The following AGBL3 variants were observed in gnomAD, a reference collection of about 807,000 sequenced individuals.
AGBL3 encodes cytosolic carboxypeptidase 3.
In AGBL3, 68 loss-of-function variants were observed where a neutral mutation model predicts 94.5. That is an observed-to-expected ratio of 0.72 (90% confidence interval 0.59 to 0.88). The LOEUF (loss-of-function observed/expected upper bound fraction) is 0.88. AGBL3 is among the 40% of genes least tolerant of loss of function. The pLI is 0.00. For missense variants in AGBL3, 934 were observed against 1,103.8 expected (o/e 0.85, Z 2.18); for synonymous variants, 354 against 370.7 (o/e 0.95, Z 0.52).
chr7:135,015,815 C>T (rs1341903399), intron 4 of AGBL3, among the ~76,000 whole-genome samples: 1 of 144,646 alleles, frequency 6.9e-6, no homozygotes, highest in Non-Finnish European at 1.5e-5. Flanking sequence ...GAAATCAAGA[C>T]CATCCTGGCT....
intron 16 of AGBL3, chr7:135,128,436 AAATT>A: frequency 2.8e-6 from 2 of 707,632 alleles, no homozygotes. Flanking sequence ...GTTCCTCAGA[AAATT>A]AAATGTCAGA....
intron 10 of AGBL3, 62 bp from the exon 11 acceptor site, chr7:135,045,737 C>G: frequency 7.2e-7 from 1 of 1,381,528 alleles, no homozygotes; most frequent in Middle Eastern, 1.8e-4. Flanking sequence ...TATAAATACT[C>G]AAATAGTTTA....
intron 14 of AGBL3, among the ~76,000 whole-genome samples, chr7:135,080,868 G>GTATATATATA (rs150587409): frequency 6.8e-6 from 1 of 146,244 alleles, no homozygotes; most frequent in Non-Finnish European, 1.5e-5. Context: ...ATGTGTGTGT[G>GTATATATATA]TATATATATA....
At chr7:135,060,240 ATT>A (rs1198707947) in intron 12 of AGBL3, among the ~76,000 whole-genome samples, 2 of 152,148 alleles carry the variant, frequency 1.3e-5, no homozygotes, top group Admixed American at 1.3e-4. Flanking sequence ...CTTCTACATA[ATT>A]TGTGTCATCA....
chr7:135,025,965 A>G (rs929605600), intron 5 of AGBL3, among the ~76,000 whole-genome samples: 7 of 151,622 alleles, frequency 4.6e-5, no homozygotes, highest in Admixed American at 1.3e-4. Context: ...TAGCCACACA[A>G]TAACAGTAGG....
chr7:135,116,806 T>C (rs1826383488), intron 16 of AGBL3, among the ~76,000 whole-genome samples: 1 of 152,190 alleles, frequency 6.6e-6, no homozygotes, highest in South Asian at 2.1e-4. Context: ...CAGTGGTTAT[T>C]GCCTAACATT....
chr7:135,059,998 G>A (rs549669083), intron 12 of AGBL3, among the ~76,000 whole-genome samples: 1 of 152,342 alleles, frequency 6.6e-6, no homozygotes, highest in South Asian at 2.1e-4. Flanking sequence ...TCAGGCTACA[G>A]GTTGAGTTCA....
intron 16 of AGBL3, among the ~76,000 whole-genome samples, chr7:135,118,300 T>C (rs1226951581): frequency 6.6e-6 from 1 of 152,214 alleles, no homozygotes; most frequent in Admixed American, 6.5e-5. Flanking sequence ...AAAGTATTAA[T>C]ATATAAGGAA....
intron 15 of AGBL3, among the ~76,000 whole-genome samples, chr7:135,088,885 G>A (rs1463178990): frequency 6.6e-6 from 1 of 152,150 alleles, no homozygotes; most frequent in African/African-American, 2.4e-5. Flanking sequence ...GGGAAACTTT[G>A]AGTTTCCTGG....
At chr7:135,067,589 G>A (rs996463578) in intron 12 of AGBL3, among the ~76,000 whole-genome samples, 3 of 152,174 alleles carry the variant, frequency 2.0e-5, no homozygotes, top group African/African-American at 4.8e-5. Context: ...ACCAATATCC[G>A]CTGTTCTGCA....
At chr7:135,077,791 C>T (rs1820590761) in intron 13 of AGBL3, among the ~76,000 whole-genome samples, 1 of 152,090 alleles carries the variant, frequency 6.6e-6, no homozygotes, top group Non-Finnish European at 1.5e-5. Context: ...TTTCTTAATG[C>T]GCATGCTCGA....
rs141725502 is a variant in AGBL3 at position 135,034,622 on chromosome 7, C to A, written c.1031C>A (p.Thr344Asn). The change falls in exon 7 of 17, where the codon ACC (threonine) becomes AAC (asparagine). Residue 344 changes from threonine to asparagine, a missense_variant. Physicochemically the swap from Thr to Asn is moderately conservative, Grantham distance 65. Around this residue, in one of 3 missense-constraint regions of AGBL3, gnomAD observed 488 missense variants for 563.6 expected, o/e 0.87. Transcript: ENST00000436302. ...RNMVYILTIT[T>N]PLKNSDSRKR... ...ATGGTGTATATTTTAACAATCACTA[C>A]CCCCTTGAAGAACTCTGACTCAAGA... 9,502 of 1,551,642 alleles carry A rather than the reference C, an allele frequency of 6.1e-3. 42 individuals carry two copies. The highest frequency in any genetic ancestry group is 7.8e-3 in the Non-Finnish European group (8,999 of 1,146,938).
At chr7:135,110,085 T>G (rs1015697354) in intron 15 of AGBL3, among the ~76,000 whole-genome samples, 3 of 151,802 alleles carry the variant, frequency 2.0e-5, no homozygotes, top group African/African-American at 7.3e-5. Context: ...ACAGCAAAGA[T>G]AGTGGTTCAC....
chr7:135,040,687 G>A (rs1265365104), intron 8 of AGBL3, among the ~76,000 whole-genome samples: 1 of 152,104 alleles, frequency 6.6e-6, no homozygotes. Flanking sequence ...ATGAAAGACT[G>A]AATGTTTTCT....
chr7:134,995,221 G>A (rs145532365), intron 4 of AGBL3: 10 of 152,280 alleles, frequency 6.6e-5, no homozygotes, highest in South Asian at 2.1e-4. Context: ...TAACAGTGAC[G>A]AGAGAATGAG....
At chr7:135,026,476 T>C (rs1425184018) in intron 5 of AGBL3, among the ~76,000 whole-genome samples, 1 of 151,252 alleles carries the variant, frequency 6.6e-6, no homozygotes, top group African/African-American at 2.4e-5. Context: ...GGTTTCACCA[T>C]GTTGGCCAGG....
At chr7:135,024,454 G>A (rs1036807695) in intron 5 of AGBL3, among the ~76,000 whole-genome samples, 2 of 152,206 alleles carry the variant, frequency 1.3e-5, no homozygotes, top group Non-Finnish European at 2.9e-5. Flanking sequence ...ACCCTGTACA[G>A]AGCTTTGGCC....
intron 16 of AGBL3, among the ~76,000 whole-genome samples, chr7:135,127,806 C>G (rs903166001): frequency 5.9e-5 from 9 of 152,086 alleles, no homozygotes; most frequent in African/African-American, 2.2e-4. Context: ...ACCATTTGAC[C>G]CAGCAATCCC....
intron 5 of AGBL3, among the ~76,000 whole-genome samples, chr7:135,028,452 A>G (rs907668591): frequency 1.3e-5 from 2 of 152,202 alleles, no homozygotes; most frequent in Non-Finnish European, 2.9e-5. Flanking sequence ...TTAAGAAACC[A>G]CTTTCTTTGC....
Sources: allele counts gnomAD v4.1 joint callset (sites outside exome capture counted in the v4.1 genomes callset), GRCh38; gene constraint gnomAD v4.1.1; regional missense constraint gnomAD v4.1.1; transcripts MANE v1.5; gene names NCBI Gene and HGNC (gene_info 2026-07-23, HGNC 2026-07-21).